CTNND2: variants seen among roughly 807,000 people sequenced by gnomAD.
CTNND2 encodes the protein catenin delta 2.
In CTNND2, 22 loss-of-function variants were observed where a neutral mutation model predicts 144.4. The ratio of observed to expected loss-of-function variants is 0.15; its 90% CI spans 0.11 to 0.22. The LOEUF (loss-of-function observed/expected upper bound fraction) is 0.22. Ranked by LOEUF, CTNND2 falls within the 10% of genes least tolerant of loss-of-function variation. CTNND2 has a pLI of 1.00. For missense variants in CTNND2, 1,353 were observed against 1,618.8 expected (o/e 0.84, Z 2.82); for synonymous variants, 751 against 695.6 (o/e 1.08, Z -1.25).
chr5:11,807,395 G>A (rs1023359423), intron 1 of CTNND2, among the ~76,000 whole-genome samples: 16 of 152,068 alleles, frequency 1.1e-4, no homozygotes, highest in African/African-American at 3.6e-4. Context: ...ATTTTGGTAC[G>A]TACATCATAA....
rs953346733 is a variant in CTNND2, at chr5:11,588,422, T to C, written c.175-23366A>G. On this transcript the variant is annotated intron_variant, in intron 2 of 21. Transcript: ENST00000304623. ...ATCATAACTTTCATAAAATCTAAAG[T>C]ATATATCTATGACACACCAAGTCTT... Among the ~76,000 whole-genome samples the C allele has an allele frequency of 3.9e-5, 6 of 152,148 alleles. No individual in the cohort carries two copies. In the South Asian group the frequency reaches 1.2e-3, roughly 32 times the overall value.
At chr5:11,469,359 T>A (rs1766951099) in intron 3 of CTNND2, among the ~76,000 whole-genome samples, 2 of 152,292 alleles carry the variant, frequency 1.3e-5, no homozygotes, top group South Asian at 2.1e-4. Context: ...TCAGCCAATA[T>A]CAGTTCAGTC....
intron 18 of CTNND2, among the ~76,000 whole-genome samples, chr5:11,003,016 T>C (rs1229769138): frequency 6.6e-6 from 1 of 152,212 alleles, no homozygotes; most frequent in Non-Finnish European, 1.5e-5. Flanking sequence ...TTTTTCTACC[T>C]GTTTTTTAAA....
At chr5:11,447,655 T>C (rs1764941766) in intron 3 of CTNND2, among the ~76,000 whole-genome samples, 1 of 152,130 alleles carries the variant, frequency 6.6e-6, no homozygotes, top group Non-Finnish European at 1.5e-5. Context: ...ACTCAGAGCA[T>C]AAGGGAGAAT....
chr5:11,571,094 A>C (rs1777513748), intron 2 of CTNND2, among the ~76,000 whole-genome samples: 1 of 152,102 alleles, frequency 6.6e-6, no homozygotes, highest in Admixed American at 6.5e-5. Flanking sequence ...TCTGGTATTT[A>C]TTCTATGGAT....
chr5:11,289,405 G>A (rs1315128617), intron 9 of CTNND2, among the ~76,000 whole-genome samples: 8 of 152,202 alleles, frequency 5.3e-5, no homozygotes, highest in South Asian at 2.1e-4. Flanking sequence ...ACTAGACTGC[G>A]TATGGCATCT....
chr5:11,872,754 A>C (rs2127053778), intron 1 of CTNND2, among the ~76,000 whole-genome samples: 1 of 152,190 alleles, frequency 6.6e-6, no homozygotes, highest in South Asian at 2.1e-4. Context: ...AATTTGTTTA[A>C]GTTCCTTGCA....
intron 6 of CTNND2, among the ~76,000 whole-genome samples, chr5:11,394,672 CA>C (rs1759915824): frequency 6.6e-6 from 1 of 152,150 alleles, no homozygotes; most frequent in South Asian, 2.1e-4. Flanking sequence ...GGGTGGCTTA[CA>C]GTTTGAGTTT....
chr5:11,864,287 C>T lies in CTNND2; in HGVS notation c.37+39530G>A, dbSNP rs148465522. On this transcript the variant is annotated intron_variant, in intron 1 of 21. Transcript: ENST00000304623. The stretch of plus-strand genomic sequence containing the variant: ...TTAACAGCAGACAAATGATGCTGTT[C>T]TTCCTAGAAAGTTCTATTGCCAGTA... 5.3e-5 allele frequency among the ~76,000 whole-genome samples: 8 copies of T among 152,148 alleles called. No individual in the cohort carries two copies. The East Asian group carries it at 1.6e-3, about 29-fold the overall frequency.
chr5:11,495,687 C>T (rs1301262610), intron 3 of CTNND2, among the ~76,000 whole-genome samples: 1 of 152,178 alleles, frequency 6.6e-6, no homozygotes, highest in African/African-American at 2.4e-5. Context: ...ACTCTTCTTT[C>T]TCTTGAACTT....
At chr5:11,629,271 C>A (rs1451031420) in intron 2 of CTNND2, among the ~76,000 whole-genome samples, 1 of 151,638 alleles carries the variant, frequency 6.6e-6, no homozygotes, top group Non-Finnish European at 1.5e-5. Flanking sequence ...ACAACAACAA[C>A]AACAACAACA....
At chr5:11,405,119 T>C (rs1760986744) in intron 5 of CTNND2, among the ~76,000 whole-genome samples, 1 of 152,118 alleles carries the variant, frequency 6.6e-6, no homozygotes, top group South Asian at 2.1e-4. Context: ...CTAATCTTCA[T>C]ATTTGTGTTC....
At chr5:11,769,230 G>T (rs1561780505) in intron 1 of CTNND2, among the ~76,000 whole-genome samples, 1 of 152,152 alleles carries the variant, frequency 6.6e-6, no homozygotes, top group Non-Finnish European at 1.5e-5. Flanking sequence ...CAGTGAGGCT[G>T]AATCTCCAGA....
At chr5:11,698,534 G>A (rs1252746671) in intron 2 of CTNND2, among the ~76,000 whole-genome samples, 1 of 151,974 alleles carries the variant, frequency 6.6e-6, no homozygotes, top group Non-Finnish European at 1.5e-5. Flanking sequence ...TGATCCCCCT[G>A]CCTCAGCCTC....
At chr5:10,987,115 G>C (rs1459114522) in intron 20 of CTNND2, among the ~76,000 whole-genome samples, 1 of 152,198 alleles carries the variant, frequency 6.6e-6, no homozygotes, top group East Asian at 1.9e-4. Flanking sequence ...ATGTGGTAAA[G>C]AGGATGTGGG....
At chr5:11,312,029 C>CCA in intron 9 of CTNND2, among the ~76,000 whole-genome samples, 1 of 150,040 alleles carries the variant, frequency 6.7e-6, no homozygotes, top group South Asian at 2.1e-4. Flanking sequence ...CACCTTCACC[C>CCA]CACACACACA....
At chr5:11,563,030 T>A (rs1776801471) in intron 3 of CTNND2, among the ~76,000 whole-genome samples, 1 of 152,222 alleles carries the variant, frequency 6.6e-6, no homozygotes, top group Non-Finnish European at 1.5e-5. Context: ...AAGCACCCAC[T>A]ATTGTATGTC....
At chr5:11,628,921 G>C (rs1046566023) in intron 2 of CTNND2, among the ~76,000 whole-genome samples, 2 of 152,164 alleles carry the variant, frequency 1.3e-5, no homozygotes, top group African/African-American at 4.8e-5. Context: ...AAGCTGGCAG[G>C]AAAAACTTTT....
intron 18 of CTNND2, among the ~76,000 whole-genome samples, chr5:11,005,723 G>A (rs1387772009): frequency 1.3e-5 from 2 of 152,332 alleles, no homozygotes; most frequent in South Asian, 2.1e-4. Context: ...GCTAAGCACT[G>A]GATGTATGGA....
Sources: gnomAD v4.1 joint callset for allele counts (sites outside exome capture counted in the v4.1 genomes callset) on GRCh38, gnomAD v4.1.1 for gene constraint, MANE v1.5 for transcripts, NCBI Gene and HGNC (gene_info 2026-07-23, HGNC 2026-07-21) for gene names.